USP9X: variants seen among roughly 807,000 people sequenced by gnomAD.
USP9X encodes the protein ubiquitin carboxyl-terminal hydrolase 9X.
USP9X carries 7 observed loss-of-function variants against 190.3 expected under a neutral mutation model. That is an observed-to-expected ratio of 0.04 (90% CI 0.02 to 0.07). The LOEUF (loss-of-function observed/expected upper bound fraction) is 0.07. Ranked by LOEUF, USP9X falls within the 10% of genes least tolerant of loss-of-function variation. USP9X has a pLI of 1.00. For synonymous variants in USP9X, 645 were observed against 659.5 expected, an observed-to-expected ratio of 0.98 and a Z score of 0.34; for missense variants, 1,010 against 1,916.9, an observed-to-expected ratio of 0.53 and a Z score of 8.83.
intron 4 of USP9X, 58 bp downstream of exon 4, chrX:41,131,594 T>C (rs1245991542): frequency 2.8e-6 from 3 of 1,055,091 alleles, no homozygotes; most frequent in East Asian, 6.3e-5. Context: ...ATTTTTACTT[T>C]ATCCCAAAAG....
At chrX:41,222,299 G>C (rs761352077) in intron 38 of USP9X, among the ~76,000 whole-genome samples, 1 of 110,963 alleles carries the variant, frequency 9.0e-6, no homozygotes, top group Non-Finnish European at 1.9e-5. Flanking sequence ...AGGAGGAGTC[G>C]CAAATAAGAA....
At chrX:41,172,027 C>CT in intron 21 of USP9X, 69 bp downstream of exon 21, 1 of 1,151,241 alleles carries the variant, frequency 8.7e-7, no homozygotes, top group South Asian at 2.0e-5. Flanking sequence ...AATTCTGTTT[C>CT]TAAATGGACC....
Position 41,085,721 on chromosome X carries a change from G to A in USP9X, c.-547G>A. 3.4e-6 allele frequency: 1 copy of A among 298,208 alleles called. No individual in the cohort carries two copies. The allele number at this position is 298,208 out of a possible 1,213,427, so 24.6% of individuals were successfully genotyped here. A position where few individuals can be genotyped will look rare whatever the true frequency, so the allele number is the denominator to read the frequency against. On this transcript the variant is annotated 5_prime_UTR_variant, in exon 1 of 45. Coordinates refer to ENST00000378308, the MANE Select transcript of USP9X (RefSeq NM_001039591.3). ...AGCCACCAGGCCTGGAGCGGGGACAGAGGCGGCGACTAGGGGAAGGTGAAG... is the reference window on the plus strand; with the variant it reads ...AGCCACCAGGCCTGGAGCGGGGACAAAGGCGGCGACTAGGGGAAGGTGAAG...
chrX:41,142,849 T>TA (rs779196753), intron 9 of USP9X, among the ~76,000 whole-genome samples: 22 of 111,873 alleles, frequency 2.0e-4, no homozygotes, highest in Admixed American at 9.5e-4. Context: ...TTTGGAAAAT[T>TA]AAAGAGATAA....
intron 1 of USP9X, among the ~76,000 whole-genome samples, chrX:41,106,617 A>G (rs1328152846): frequency 2.3e-5 from 2 of 85,513 alleles, no homozygotes; most frequent in Non-Finnish European, 4.3e-5. Context: ...TGCAACCTCC[A>G]CCTCCTGGGT....
At chrX:41,154,497 T>C (rs1456506598) in intron 14 of USP9X, among the ~76,000 whole-genome samples, 1 of 111,904 alleles carries the variant, frequency 8.9e-6, no homozygotes, top group African/African-American at 3.3e-5. Context: ...GCATGTGGTG[T>C]TTAATTTCAT....
At chrX:41,101,500 T>A (rs1268724319) in intron 1 of USP9X, among the ~76,000 whole-genome samples, 4 of 109,953 alleles carry the variant, frequency 3.6e-5, no homozygotes, top group African/African-American at 1.3e-4. Flanking sequence ...GGTAGGAGAA[T>A]TGCTTGGACC....
chrX:41,213,175 T>C (rs747072715), intron 33 of USP9X, among the ~76,000 whole-genome samples: 1 of 111,536 alleles, frequency 9.0e-6, no homozygotes, highest in Non-Finnish European at 1.9e-5. Flanking sequence ...TGGACTCCTG[T>C]AGTCCCAGCT....
intron 15 of USP9X, among the ~76,000 whole-genome samples, chrX:41,165,340 C>G (rs949056446): frequency 8.9e-6 from 1 of 111,849 alleles, no homozygotes; most frequent in Non-Finnish European, 1.9e-5. Flanking sequence ...ATTCTCATGC[C>G]TCAGTTTCCC....
At chrX:41,099,826 G>A (rs2062022513) in intron 1 of USP9X, among the ~76,000 whole-genome samples, 1 of 111,727 alleles carries the variant, frequency 9.0e-6, no homozygotes. Flanking sequence ...ATGAAACCCT[G>A]TTGCTACTAA....
intron 21 of USP9X, among the ~76,000 whole-genome samples, chrX:41,173,997 A>G (rs7051607): frequency 1.8e-5 from 2 of 111,735 alleles, no homozygotes; most frequent in Non-Finnish European, 3.8e-5. Context: ...TACCCTTTCT[A>G]TGTTTAAATA....
At chrX:41,148,646 AG>A in intron 12 of USP9X, 71 bp downstream of exon 12, 1 of 978,961 alleles carries the variant, frequency 1.0e-6, no homozygotes, top group Non-Finnish European at 1.4e-6. Context: ...GTTACAGGAT[AG>A]TTCTGTTACT....
chrX:41,154,744 T>G (rs976810139), intron 14 of USP9X, among the ~76,000 whole-genome samples: 2 of 111,766 alleles, frequency 1.8e-5, no homozygotes, highest in Non-Finnish European at 3.8e-5. Context: ...GGCAGGTTAT[T>G]TATGCTAGAA....
At chrX:41,185,079 G>T (rs1483255354) in intron 23 of USP9X, among the ~76,000 whole-genome samples, 1 of 111,953 alleles carries the variant, frequency 8.9e-6, no homozygotes, top group Non-Finnish European at 1.9e-5. Flanking sequence ...TTTCTGCCTT[G>T]GTGGCATTCT....
At chrX:41,178,262 G>A (rs750333613) in intron 21 of USP9X, among the ~76,000 whole-genome samples, 38 of 106,784 alleles carry the variant, frequency 3.6e-4, no homozygotes, top group African/African-American at 1.3e-3. Flanking sequence ...CCTCATGCCC[G>A]GCTAATTATT....
rs758204940 is a variant in USP9X at position 41,151,042 on chromosome X, C to T, written c.1748C>T (p.Ala583Val). 4 of 1,198,382 alleles carry T rather than the reference C, an allele frequency of 3.3e-6. No homozygotes were observed. Among genetic ancestry groups the T allele is most frequent in the African/African-American group, 1.8e-5 (1 of 56,916 alleles). ...IREICSLFGEAPQNLSQTQRS... is the reference protein window; with the variant it reads ...IREICSLFGEVPQNLSQTQRS... The stretch of plus-strand genomic sequence containing the variant: ...GAAATTTGTAGTTTGTTTGGTGAAG[C>T]GCCTCAAAATTTGAGGTAAGACTTT... The change falls in exon 13 of 45, where the codon GCG (alanine) becomes GTG (valine). Residue 583 changes from alanine (A) to valine (V), a missense_variant. This residue lies in a region of USP9X where 104 missense variants were observed against 239.8 expected (regional missense o/e 0.43). Transcript: ENST00000378308.
chrX:41,149,050 A>G (rs1351702064), intron 12 of USP9X, among the ~76,000 whole-genome samples: 1 of 112,061 alleles, frequency 8.9e-6, no homozygotes, highest in African/African-American at 3.2e-5. Context: ...TGGTAAAGTG[A>G]ACATTGCTGA....
Position 41,210,644 on chromosome X carries a change from C to G in USP9X, c.5151C>G (p.Ser1717=). ...TGCTAAGTAAAGTCTTAGGAGGTTC[C>G]TTTGCTGATCAGAAGATCTGCCAAG... ...PAMLSKVLGG[S]FADQKICQGC... is the part of the protein sequence containing the mutation. The change falls in exon 33 of 45, where the codon TCC becomes TCG. Residue 1717 remains serine (S), a synonymous_variant. Transcript: ENST00000378308. The G allele has an allele frequency of 8.3e-7, 1 of 1,210,591 alleles. No homozygotes were observed. Among genetic ancestry groups the G allele is most frequent in the African/African-American group, 1.7e-5 (1 of 57,747 alleles).
At chrX:41,136,636 G>T (rs1362912490) in intron 5 of USP9X, among the ~76,000 whole-genome samples, 168 bp from the exon 6 acceptor site, 5 of 112,290 alleles carry the variant, frequency 4.5e-5, no homozygotes, top group Admixed American at 9.4e-5. Flanking sequence ...AAATTATGAA[G>T]TAAACAAATT....
Sources: allele counts gnomAD v4.1 joint callset (sites outside exome capture counted in the v4.1 genomes callset), GRCh38; gene constraint gnomAD v4.1.1; regional missense constraint gnomAD v4.1.1; transcripts MANE v1.5; gene names NCBI Gene and HGNC (gene_info 2026-07-23, HGNC 2026-07-21).